Variants in TG observed in about 807,000 individuals in gnomAD.
TG encodes the protein thyroglobulin.
In TG, 270 loss-of-function variants were observed where a neutral mutation model predicts 324.7. The observed-to-expected ratio is 0.83, with a 90% CI of 0.75 to 0.92. TG has a LOEUF of 0.92. TG is among the 40% of genes least tolerant of loss of function. The pLI, the probability that TG is intolerant of heterozygous loss-of-function variation, is 0.00. For missense variants in TG, 3,591 were observed against 3,456.4 expected, an observed-to-expected ratio of 1.04 and a Z score of -0.98; for synonymous variants, 1,401 against 1,327.0, an observed-to-expected ratio of 1.06 and a Z score of -1.21.
chr8:132,932,707 C>T (rs776318452), intron 23 of TG, among the ~76,000 whole-genome samples: 4 of 152,198 alleles, frequency 2.6e-5, no homozygotes, highest in Non-Finnish European at 4.4e-5. Context: ...CAGAAAGCAG[C>T]TGTGGTCCCT....
chr8:132,963,838 T>TA (rs1284993201), intron 29 of TG, among the ~76,000 whole-genome samples: 4 of 152,176 alleles, frequency 2.6e-5, no homozygotes, highest in Non-Finnish European at 4.4e-5. Flanking sequence ...GAAAAAAACG[T>TA]CATGCTACAG....
At chr8:132,952,742 T>C (rs1826292257) in intron 27 of TG, among the ~76,000 whole-genome samples, 2 of 152,234 alleles carry the variant, frequency 1.3e-5, no homozygotes, top group African/African-American at 4.8e-5. Flanking sequence ...CACGTACAAC[T>C]CAATCGATCC....
At position 133,013,637 on chromosome 8, in the gene TG, G is replaced by T. The variant is rs750212763; in HGVS notation, c.6435G>T (p.Leu2145=). Residue 2145 remains leucine, a synonymous_variant, in exon 37 of 48, where the codon CTG becomes CTT. Transcript: ENST00000220616. Reference sequence around the variant, plus strand: ...ATGAGGCCTGTCTCATCACCACTCTGCAAACCCAACCTGGGGCTGTGAGAT... The same window carrying T: ...ATGAGGCCTGTCTCATCACCACTCTTCAAACCCAACCTGGGGCTGTGAGAT... The part of the protein sequence containing the change: ...SQHEACLITT[L]QTQPGAVRCM... 12 of 1,614,176 alleles carry T rather than the reference G, an allele frequency of 7.4e-6. No homozygotes were observed. In the South Asian group the frequency reaches 1.2e-4, roughly 16 times the overall value.
chr8:132,941,633 G>C, intron 26 of TG, 91 bp downstream of exon 26: 4 of 1,482,936 alleles, frequency 2.7e-6, no homozygotes, highest in Non-Finnish European at 3.7e-6. Flanking sequence ...AGCTGCATGG[G>C]GAGTACAGTG....
chr8:133,079,932 G>T (rs1185129438), intron 41 of TG, among the ~76,000 whole-genome samples: 1 of 151,202 alleles, frequency 6.6e-6, no homozygotes, highest in Non-Finnish European at 1.5e-5. Flanking sequence ...GTAAAGTTTT[G>T]CCCCCTCTAT....
chr8:133,112,689 C>G (rs764347390), intron 43 of TG, among the ~76,000 whole-genome samples: 1 of 152,148 alleles, frequency 6.6e-6, no homozygotes, highest in Non-Finnish European at 1.5e-5. Flanking sequence ...ACACACATCC[C>G]CCAGAGAACT....
At chr8:133,064,900 C>T (rs189217714) in intron 41 of TG, among the ~76,000 whole-genome samples, 83 of 152,210 alleles carry the variant, frequency 5.5e-4, no homozygotes, top group South Asian at 8.3e-4. Context: ...ACCCCTTTAT[C>T]GTGCACCGAA....
At chr8:133,084,357 T>C (rs1846196934) in intron 41 of TG, among the ~76,000 whole-genome samples, 1 of 152,208 alleles carries the variant, frequency 6.6e-6, no homozygotes, top group Admixed American at 6.5e-5. Flanking sequence ...GATGAAATTA[T>C]TTTTAAAAGG....
Position 133,017,844 on chromosome 8 carries a change from T to C in TG, c.6629T>C (p.Leu2210Pro). Residue 2210 changes from leucine to proline, a missense_variant, in exon 38 of 48, where the codon CTG (leucine) becomes CCG (proline). By Grantham distance (98) the Leu-to-Pro change is moderately conservative (BLOSUM62 -3). Coordinates refer to ENST00000220616, the MANE Select transcript of TG (RefSeq NM_003235.5). ...SVPISTHGRL[L>P]GRSQAIQVGT... is the part of the protein sequence containing the mutation. Reference sequence around the variant, plus strand: ...CCCATTTCCACCCATGGCCGGCTGCTGGGCAGGTCCCAGGCCATCCAGGTG... The same window carrying C: ...CCCATTTCCACCCATGGCCGGCTGCCGGGCAGGTCCCAGGCCATCCAGGTG... The C allele has an allele frequency of 6.2e-7, 1 of 1,614,214 alleles. No homozygotes were observed. Among genetic ancestry groups the C allele is most frequent in the Non-Finnish European group, 8.5e-7 (1 of 1,180,036 alleles).
chr8:132,915,320 C>A (rs891200320), intron 20 of TG, among the ~76,000 whole-genome samples: 6 of 152,314 alleles, frequency 3.9e-5, no homozygotes, highest in Non-Finnish European at 2.9e-5. Flanking sequence ...GACTGTCTTC[C>A]TTTCCATCCC....
intron 20 of TG, among the ~76,000 whole-genome samples, chr8:132,917,021 C>CCCTT (rs1820396439): frequency 2.1e-4 from 9 of 42,882 alleles, no homozygotes; most frequent in Non-Finnish European, 4.8e-4. Flanking sequence ...CTTCCTCCCT[C>CCCTT]CATGCCTCCC....
chr8:132,939,672 T>TGTTG (rs113473238), intron 25 of TG, among the ~76,000 whole-genome samples: 6 of 147,220 alleles, frequency 4.1e-5, no homozygotes, highest in Non-Finnish European at 7.5e-5. Context: ...GGTTTTTTTT[T>TGTTG]TTTGTTTGTT....
At chr8:133,127,450 G>C (rs1321887044) in intron 45 of TG, among the ~76,000 whole-genome samples, 1 of 152,150 alleles carries the variant, frequency 6.6e-6, no homozygotes, top group Non-Finnish European at 1.5e-5. Context: ...TATGTGAAAA[G>C]GTTCTGTCTT....
intron 41 of TG, among the ~76,000 whole-genome samples, chr8:133,054,224 G>T (rs1336080703): frequency 6.6e-6 from 1 of 152,132 alleles, no homozygotes; most frequent in Non-Finnish European, 1.5e-5. Context: ...AGATAAATGA[G>T]TGAGGCAGAG....
intron 45 of TG, among the ~76,000 whole-genome samples, chr8:133,123,748 G>A (rs1851318238): frequency 6.6e-6 from 1 of 152,190 alleles, no homozygotes; most frequent in Non-Finnish European, 1.5e-5. Flanking sequence ...TGTGCTCTGG[G>A]CCCCAGCAAG....
chr8:133,005,494 G>T (rs1342843926), intron 35 of TG, among the ~76,000 whole-genome samples: 1 of 152,174 alleles, frequency 6.6e-6, no homozygotes, highest in Non-Finnish European at 1.5e-5. Context: ...GACGGTGAAG[G>T]TGGCTGTGTT....
chr8:132,996,264 A>G (rs1832874833), intron 35 of TG, among the ~76,000 whole-genome samples: 1 of 152,248 alleles, frequency 6.6e-6, no homozygotes, highest in Non-Finnish European at 1.5e-5. Flanking sequence ...ATTTTATTAA[A>G]TCAGCTTCCC....
chr8:133,038,009 G>A (rs1837402631), intron 41 of TG: 1 of 155,728 alleles, frequency 6.4e-6, no homozygotes, highest in Admixed American at 6.3e-5. Flanking sequence ...AAAAAGAGAG[G>A]AAAGCATACC....
chr8:132,960,225 G>A (rs1057153091), intron 27 of TG, among the ~76,000 whole-genome samples: 2 of 152,186 alleles, frequency 1.3e-5, no homozygotes, highest in South Asian at 2.1e-4. Context: ...TTAAATAAAG[G>A]TATAAAAAGA....
Sources: allele counts gnomAD v4.1 joint callset (sites outside exome capture counted in the v4.1 genomes callset), GRCh38; gene constraint gnomAD v4.1.1; transcripts MANE v1.5; gene names NCBI Gene and HGNC (gene_info 2026-07-23, HGNC 2026-07-21).